Variants in BANF2 observed in about 807,000 individuals in gnomAD.
BANF2 encodes the protein barrier-to-autointegration factor-like protein.
Under a neutral mutation model 8.0 loss-of-function variants are expected in BANF2, and 4 were observed. That is an observed-to-expected ratio of 0.50 (90% CI 0.25 to 1.14). BANF2 has a LOEUF of 1.14. Among genes scored for constraint, BANF2 ranks in the 50% most tolerant of loss-of-function variants. The pLI, the probability that BANF2 is intolerant of heterozygous loss-of-function variation, is 0.16. For missense variants in BANF2, 96 were observed against 107.5 expected (o/e 0.89, Z 0.47); for synonymous variants, 50 against 40.6 (o/e 1.23, Z -0.88).
chr20:17,727,749 G>C (rs984656563), intron 3 of BANF2, among the ~76,000 whole-genome samples: 30 of 152,148 alleles, frequency 2.0e-4, no homozygotes, highest in Middle Eastern at 3.4e-3. Context: ...TTTGTTTTTG[G>C]TTTTGTTTTT....
intron 2 of BANF2, among the ~76,000 whole-genome samples, chr20:17,723,441 G>T (rs1249768383): frequency 6.6e-6 from 1 of 152,218 alleles, no homozygotes; most frequent in Non-Finnish European, 1.5e-5. Context: ...TGAGTCGAGA[G>T]AGCTGCCGGG....
chr20:17,697,697 C>T (rs1464986215), upstream of BANF2, among the ~76,000 whole-genome samples: 1 of 152,090 alleles, frequency 6.6e-6, no homozygotes, highest in Non-Finnish European at 1.5e-5. Flanking sequence ...GGGATGGGGG[C>T]AACAATGTGG....
At chr20:17,694,701 C>T (rs541881606) in intron 1 of BANF2, among the ~76,000 whole-genome samples, 3 of 140,072 alleles carry the variant, frequency 2.1e-5, no homozygotes, top group African/African-American at 8.2e-5. Context: ...TCACTGTAGC[C>T]TTGACCTCCC....
intron 1 of BANF2, among the ~76,000 whole-genome samples, chr20:17,701,543 C>T (rs2037409312): frequency 6.6e-6 from 1 of 152,184 alleles, no homozygotes; most frequent in South Asian, 2.1e-4. Flanking sequence ...ACGGCTCTTC[C>T]ATCAGCATGG....
chr20:17,701,768 G>A (rs567848328), intron 1 of BANF2, among the ~76,000 whole-genome samples: 9 of 152,286 alleles, frequency 5.9e-5, no homozygotes, highest in Non-Finnish European at 1.2e-4. Context: ...GCCCCAGGTA[G>A]GAAAGAGGAA....
chr20:17,719,389 C>G (rs563062198), intron 1 of BANF2, among the ~76,000 whole-genome samples: 50 of 152,242 alleles, frequency 3.3e-4, no homozygotes, highest in Non-Finnish European at 5.6e-4. Flanking sequence ...GCCTCAGCCT[C>G]CCAAAGTGCT....
chr20:17,701,321 A>C (rs1484050641), intron 1 of BANF2, among the ~76,000 whole-genome samples: 1 of 152,236 alleles, frequency 6.6e-6, no homozygotes, highest in Admixed American at 6.5e-5. Flanking sequence ...CCCACCAGCT[A>C]TGTTATTGCT....
chr20:17,706,140 G>T lies in BANF2; in HGVS notation c.-167+6085G>T, dbSNP rs755999966. 1.1e-4 allele frequency among the ~76,000 whole-genome samples: 16 copies of T among 152,330 alleles called. No individual in the cohort carries two copies. In the East Asian group the frequency reaches 2.5e-3, roughly 24 times the overall value. On this transcript the variant is annotated intron_variant, in intron 1 of 3. Transcript: ENST00000246090. ...GGCTTGAAGGTTGGCCAAATCCGGA[G>T]AGTCAGCACAGACAGACACCAAGTG... is the stretch of plus-strand genomic sequence containing the variant.
chr20:17,730,249 C>T (rs939879449), intron 3 of BANF2, among the ~76,000 whole-genome samples: 21 of 152,252 alleles, frequency 1.4e-4, no homozygotes, highest in African/African-American at 4.3e-4. Flanking sequence ...AAAGTGGAGA[C>T]GCATAGAGAC....
At chr20:17,713,427 G>A (rs2037605353) in intron 1 of BANF2, among the ~76,000 whole-genome samples, 1 of 152,154 alleles carries the variant, frequency 6.6e-6, no homozygotes, top group Non-Finnish European at 1.5e-5. Context: ...GTGTTTGTCA[G>A]GGGCTATGAG....
chr20:17,723,784 C>T lies in BANF2; in HGVS notation c.-4+906C>T, dbSNP rs921348573. Among the ~76,000 whole-genome samples the T allele has an allele frequency of 3.3e-5, 5 of 152,166 alleles. No individual in the cohort carries two copies. The East Asian group carries it at 9.6e-4, about 29-fold the overall frequency. The stretch of plus-strand genomic sequence containing the variant: ...CCGAGGTGGGTGGATCACCTGAGAT[C>T]AGGAGTTCAGGACCAGCCTGGTCAA... On this transcript the variant is annotated intron_variant, in intron 2 of 3. Transcript: ENST00000246090.
chr20:17,730,261 A>G (rs1398439617), intron 3 of BANF2, among the ~76,000 whole-genome samples: 1 of 152,206 alleles, frequency 6.6e-6, no homozygotes, highest in African/African-American at 2.4e-5. Context: ...CATAGAGACC[A>G]CATGTGGATT....
intron 1 of BANF2, among the ~76,000 whole-genome samples, chr20:17,702,368 G>A (rs751859741): frequency 2.6e-5 from 4 of 152,152 alleles, no homozygotes; most frequent in African/African-American, 7.2e-5. Flanking sequence ...GTCTATACAC[G>A]GACAGATGTT....
At chr20:17,729,489 C>A (rs1283859065) in intron 3 of BANF2, among the ~76,000 whole-genome samples, 1 of 152,214 alleles carries the variant, frequency 6.6e-6, no homozygotes, top group East Asian at 1.9e-4. Flanking sequence ...GTAATCCCAG[C>A]ACTTTGGGAG....
Position 17,733,707 on chromosome 20 carries a change from T to C in BANF2, c.127-1958T>C, listed in dbSNP as rs534579694. ...AATGAGATCACGCCAAGTAACTATA[T>C]TGCTTTTTTTAAAAAAGATTAAAGT... On this transcript the variant is annotated intron_variant, in intron 3 of 3. Transcript: ENST00000246090. Among the ~76,000 whole-genome samples, 7 of 152,314 alleles carry C rather than the reference T, an allele frequency of 4.6e-5. No individual in the cohort carries two copies. In the South Asian group the frequency reaches 1.5e-3, roughly 32 times the overall value.
At chr20:17,699,717 T>TA (rs770937705), upstream of BANF2, among the ~76,000 whole-genome samples, 1 of 152,238 alleles carries the variant, frequency 6.6e-6, no homozygotes, top group Non-Finnish European at 1.5e-5. Flanking sequence ...GGTGGATTCA[T>TA]AAGCAGTCTT....
intron 1 of BANF2, among the ~76,000 whole-genome samples, chr20:17,719,063 C>T (rs185125050): frequency 2.6e-5 from 4 of 152,274 alleles, no homozygotes; most frequent in Admixed American, 2.6e-4. Context: ...GAGGGGCGCT[C>T]CCCTGAAAGA....
chr20:17,731,937 G>A (rs544537662), intron 3 of BANF2, among the ~76,000 whole-genome samples: 4 of 151,458 alleles, frequency 2.6e-5, no homozygotes, highest in African/African-American at 4.9e-5. Context: ...GTGGTGGCAC[G>A]CACCCGTAGT....
intron 1 of BANF2, among the ~76,000 whole-genome samples, chr20:17,694,849 C>T (rs529827742): frequency 4.0e-5 from 6 of 151,842 alleles, no homozygotes; most frequent in Middle Eastern, 3.4e-3. Context: ...CTTGAACTCC[C>T]GGACTCAAGC....
Sources: gnomAD v4.1 joint callset for allele counts (sites outside exome capture counted in the v4.1 genomes callset) on GRCh38, gnomAD v4.1.1 for gene constraint, MANE v1.5 for transcripts, NCBI Gene and HGNC (gene_info 2026-07-23, HGNC 2026-07-21) for gene names.